Variants in RBMXL1 observed in about 807,000 individuals in gnomAD.
The protein encoded by RBMXL1 is RNA binding motif protein, X-linked-like-1.
In RBMXL1, 18 loss-of-function variants were observed where a neutral mutation model predicts 29.0. The ratio of observed to expected loss-of-function variants is 0.62; its 90% CI spans 0.43 to 0.92. The LOEUF is 0.92. Among genes scored for constraint, RBMXL1 ranks in the 40% least tolerant of loss-of-function variants. The pLI is 0.00. For synonymous variants in RBMXL1, 141 were observed against 170.4 expected (o/e 0.83, Z 1.34); for missense variants, 403 against 495.8 (o/e 0.81, Z 1.78).
intron 1 of RBMXL1, among the ~76,000 whole-genome samples, chr1:88,988,819 A>G (rs1273576777): frequency 1.3e-5 from 2 of 152,258 alleles, no homozygotes; most frequent in African/African-American, 2.4e-5. Flanking sequence ...GTTTGAAAAG[A>G]CGAATGATAG....
chr1:88,986,601 C>G (rs567963646), intron 2 of RBMXL1, among the ~76,000 whole-genome samples: 3 of 152,004 alleles, frequency 2.0e-5, no homozygotes. Context: ...CTACATTTTT[C>G]CTTTAGCATT....
rs1336922986 is a variant in RBMXL1, at chr1:88,981,149, T to C, written c.*1505A>G. The C allele has an allele frequency of 1.3e-5, 2 of 152,196 alleles. No homozygotes were observed. The highest frequency in any genetic ancestry group is 4.8e-5 in the African/African-American group (2 of 41,446). 9.4% of individuals were successfully genotyped at this position (152,196 alleles called of 1,614,324 possible). ...AACAATACAGCAAAAGAAAGCCAAGTGGCCCAATTGTTTCCAGTGTGTTTG... is the reference window on the plus strand; with the variant it reads ...AACAATACAGCAAAAGAAAGCCAAGCGGCCCAATTGTTTCCAGTGTGTTTG... On this transcript the variant is annotated 3_prime_UTR_variant, in exon 3 of 3. Coordinates refer to ENST00000652648, the MANE Select transcript of RBMXL1 (RefSeq NM_001162536.3).
At chr1:88,988,561 A>C in intron 1 of RBMXL1, among the ~76,000 whole-genome samples, 1 of 152,210 alleles carries the variant, frequency 6.6e-6, no homozygotes, top group East Asian at 1.9e-4. Context: ...TTCCTACACA[A>C]ATTTATATTC....
At position 88,983,142 on chromosome 1, in the gene RBMXL1, G is replaced by A. The variant is rs768090203; in HGVS notation, c.685C>T (p.Arg229Cys). The A allele has an allele frequency of 7.4e-6, 12 of 1,612,322 alleles. No individual in the cohort carries two copies. The highest frequency in any genetic ancestry group is 1.1e-5 in the South Asian group (1 of 91,008). ...SYSSRDYPSSRDTRDYAPPPR... is the reference protein window; with the variant it reads ...SYSSRDYPSSCDTRDYAPPPR... Reference sequence around the variant, plus strand: ...GGTGGTGCATAATCTCTTGTATCACGAGAACTTGGGTAATCTCTGCTTGAA... The same window carrying A: ...GGTGGTGCATAATCTCTTGTATCACAAGAACTTGGGTAATCTCTGCTTGAA... The change falls in exon 3 of 3, where the codon CGT becomes TGT. Residue 229 changes from arginine (R) to cysteine (C), a missense_variant. Transcript: ENST00000652648.
At chr1:88,987,287 C>T (rs1677517836) in intron 2 of RBMXL1, among the ~76,000 whole-genome samples, 1 of 152,020 alleles carries the variant, frequency 6.6e-6, no homozygotes, top group Non-Finnish European at 1.5e-5. Context: ...CAACCACTTC[C>T]CTGGCTTCAA....
intron 2 of RBMXL1, among the ~76,000 whole-genome samples, chr1:88,984,454 C>T (rs1677326439): frequency 1.3e-5 from 2 of 152,102 alleles, no homozygotes; most frequent in South Asian, 2.1e-4. Flanking sequence ...CCAAGTGATC[C>T]GCCTGCCTCG....
chr1:88,984,633 C>A (rs780180734), intron 2 of RBMXL1, among the ~76,000 whole-genome samples: 20 of 152,194 alleles, frequency 1.3e-4, no homozygotes, highest in Non-Finnish European at 2.2e-4. Flanking sequence ...GAAAGGGAAG[C>A]AATTTGGACT....
At position 88,982,806 on chromosome 1, in the gene RBMXL1, C is replaced by T. The variant is rs1480801389; in HGVS notation, c.1021G>A (p.Val341Ile). ...GGAAGCCCTCTTTCTTGTCTGCCAA[C>T]CCTGTCACAACTTGAGTAGAGATCA... ...RSDLYSSCDR[V>I]GRQERGLPPS... The change falls in exon 3 of 3, where the codon GTT becomes ATT. Residue 341 changes from valine (V) to isoleucine (I), a missense_variant. Coordinates refer to ENST00000652648, the MANE Select transcript of RBMXL1 (RefSeq NM_001162536.3). 6.2e-7 allele frequency: 1 copy of T among 1,613,992 alleles called. No individual in the cohort carries two copies. The highest frequency in any genetic ancestry group is 1.1e-5 in the South Asian group (1 of 91,076).
Position 88,982,585 on chromosome 1 carries a change from G to A in RBMXL1, c.*69C>T. 6.6e-7 allele frequency: 1 copy of A among 1,522,514 alleles called. No homozygotes were observed. The highest frequency in any genetic ancestry group is 8.8e-7 in the Non-Finnish European group (1 of 1,137,412). The allele number at this position is 1,522,514 out of a possible 1,614,324, so 94.3% of individuals were successfully genotyped here. On this transcript the variant is annotated 3_prime_UTR_variant, in exon 3 of 3. Coordinates refer to ENST00000652648, the MANE Select transcript of RBMXL1 (RefSeq NM_001162536.3). ...CTTTTAGTAGTCCTTGGGTAGTTAT[G>A]ATAGAATAGTTTCCACTCTTTTTTT...
At chr1:88,987,510 T>C (rs12072254) in intron 2 of RBMXL1, among the ~76,000 whole-genome samples, 11,301 of 152,216 alleles carry the variant, frequency 0.074, 1,407 homozygotes, top group African/African-American at 0.26. Flanking sequence ...ATTCAACCAG[T>C]TATGACAAAA....
chr1:88,991,294 C>G (rs1677780542), intron 1 of RBMXL1, among the ~76,000 whole-genome samples: 2 of 152,158 alleles, frequency 1.3e-5, no homozygotes, highest in African/African-American at 4.8e-5. Flanking sequence ...TCCAAATGAT[C>G]AATTTATACT....
intron 2 of RBMXL1, 138 bp from the exon 3 acceptor site, chr1:88,984,204 CTTTTTT>C (rs908183722): frequency 0.034 from 2,740 of 81,610 alleles, 45 homozygotes; most frequent in African/African-American, 0.11. Context: ...TTTTTTGTTG[CTTTTTT>C]TTTTTTTTTT....
intron 2 of RBMXL1, among the ~76,000 whole-genome samples, chr1:88,986,248 G>A (rs1330386265): frequency 1.3e-5 from 2 of 151,418 alleles, no homozygotes; most frequent in African/African-American, 2.4e-5. Flanking sequence ...ACAGACCTAA[G>A]GAAAAGGTTT....
rs2101078367 is a variant in RBMXL1 at position 88,981,133 on chromosome 1, G to A, written c.*1521C>T. 6.6e-6 allele frequency: 1 copy of A among 152,236 alleles called. No homozygotes were observed. Among genetic ancestry groups the A allele is most frequent in the Non-Finnish European group, 1.5e-5 (1 of 68,024 alleles). 9.4% of individuals were successfully genotyped at this position (152,236 alleles called of 1,614,324 possible). A position where few individuals can be genotyped will look rare whatever the true frequency, so the allele number is the denominator to read the frequency against. On this transcript the variant is annotated 3_prime_UTR_variant, in exon 3 of 3. Transcript: ENST00000652648. The stretch of plus-strand genomic sequence containing the variant: ...TAAAGCAGGCTTATAAAACAATACA[G>A]CAAAAGAAAGCCAAGTGGCCCAATT...
chr1:88,984,204 CTTTTTTTTT>C (rs908183722), intron 2 of RBMXL1, 138 bp from the exon 3 acceptor site: 170 of 81,744 alleles, frequency 2.1e-3, no homozygotes, highest in Non-Finnish European at 3.0e-3. Context: ...TTTTTTGTTG[CTTTTTTTTT>C]TTTTTTTTTT....
At position 88,981,994 on chromosome 1, in the gene RBMXL1, T is replaced by A. The variant is rs1677114982; in HGVS notation, c.*660A>T. On this transcript the variant is annotated 3_prime_UTR_variant, in exon 3 of 3. Coordinates refer to ENST00000652648, the MANE Select transcript of RBMXL1 (RefSeq NM_001162536.3). ...TTTGGCCAAACTTTTTATTTAGTAT[T>A]CCGTAGTTGTTTAGCACACACTTAA... is the stretch of plus-strand genomic sequence containing the variant. The A allele has an allele frequency of 1.0e-6, 1 of 982,232 alleles. No individual in the cohort carries two copies. Among genetic ancestry groups the A allele is most frequent in the Admixed American group, 6.1e-5 (1 of 16,268 alleles). The allele number at this position is 982,232 out of a possible 1,614,324, so 60.8% of individuals were successfully genotyped here.
chr1:88,982,549 C>T lies in RBMXL1; in HGVS notation c.*105G>A. On this transcript the variant is annotated 3_prime_UTR_variant, in exon 3 of 3. Coordinates refer to ENST00000652648, the MANE Select transcript of RBMXL1 (RefSeq NM_001162536.3). ...TTAACAGGGAATTTAAAAAAGGTAA[C>T]ACAATTTTTCCTTTTAGTAGTCCTT... 6.9e-7 allele frequency: 1 copy of T among 1,439,980 alleles called. No homozygotes were observed. The highest frequency in any genetic ancestry group is 9.3e-7 in the Non-Finnish European group (1 of 1,075,130). The allele number at this position is 1,439,980 out of a possible 1,614,324, so 89.2% of individuals were successfully genotyped here.
chr1:88,982,663 G>C lies in RBMXL1; in HGVS notation c.1164C>G (p.Ser388Arg), dbSNP rs757439198. ...AAAGTTTTGTTTGTTTCTAGTATCT[G>C]CTTCTGCCTCCCCCTCTATCAGATC... Reference protein sequence around the residue: ...GSRSDRGGGRSRY With the variant: ...GSRSDRGGGRRRY Residue 388 changes from serine (S) to arginine (R), a missense_variant, in exon 3 of 3, where the codon AGC becomes AGG. Transcript: ENST00000652648. 1.2e-6 allele frequency: 2 copies of C among 1,601,764 alleles called. No homozygotes were observed. The highest frequency in any genetic ancestry group is 1.7e-5 in the Admixed American group (1 of 57,880).
Position 88,983,663 on chromosome 1 carries a change from G to A in RBMXL1, c.164C>T (p.Thr55Ile), listed in dbSNP as rs1677242634. The A allele has an allele frequency of 6.2e-7, 1 of 1,613,804 alleles. No homozygotes were observed. Among genetic ancestry groups the A allele is most frequent in the Non-Finnish European group, 8.5e-7 (1 of 1,180,020 alleles). Residue 55 changes from threonine (T) to isoleucine (I), a missense_variant, in exon 3 of 3, where the codon ACC becomes ATC. Physicochemically the swap from Thr to Ile is moderately conservative, Grantham distance 89. Coordinates refer to ENST00000652648, the MANE Select transcript of RBMXL1 (RefSeq NM_001162536.3). ...CTTAGCGTCTGCTGGGCTTTCAAAG[G>A]TGACAAAAGCAAATCCTCTTGATTT... ...TNKSRGFAFVTFESPADAKDA... is the reference protein window; with the variant it reads ...TNKSRGFAFVIFESPADAKDA...
Sources: gnomAD v4.1 joint callset for allele counts (sites outside exome capture counted in the v4.1 genomes callset) on GRCh38, gnomAD v4.1.1 for gene constraint, MANE v1.5 for transcripts, NCBI Gene and HGNC (gene_info 2026-07-23, HGNC 2026-07-21) for gene names.